The following MATR3 variants were observed in gnomAD, a reference collection of about 807,000 sequenced individuals.
MATR3 encodes the protein matrin 3.
A neutral mutation model predicts 85.5 loss-of-function variants in MATR3; 4 were observed. The ratio of observed to expected loss-of-function variants is 0.05; its 90% CI spans 0.02 to 0.11. The LOEUF (loss-of-function observed/expected upper bound fraction) is 0.11. MATR3 is among the 10% of genes least tolerant of loss of function. MATR3 has a pLI of 1.00. For missense variants in MATR3, 685 were observed against 1,016.1 expected (o/e 0.67, Z 4.43); for synonymous variants, 336 against 343.1 (o/e 0.98, Z 0.23).
chr5:139,295,874 G>GGTAT (rs1416544748), intron 1 of MATR3, among the ~76,000 whole-genome samples: 1 of 152,046 alleles, frequency 6.6e-6, no homozygotes, highest in African/African-American at 2.4e-5. Flanking sequence ...GGAGTGCAGT[G>GGTAT]GTATGATCAG....
chr5:139,294,014 T>A, intron 1 of MATR3: 1 of 1,287,612 alleles, frequency 7.8e-7, no homozygotes, highest in Non-Finnish European at 9.9e-7. Context: ...CAACCAGCCT[T>A]CTAGGGCGGC....
At chr5:139,296,302 G>A (rs1754147031) in intron 1 of MATR3, among the ~76,000 whole-genome samples, 1 of 152,128 alleles carries the variant, frequency 6.6e-6, no homozygotes, top group South Asian at 2.1e-4. Context: ...ATGGGAAAAT[G>A]GTAACGGTAT....
At chr5:139,320,979 A>G (rs1326893971) in intron 9 of MATR3, among the ~76,000 whole-genome samples, 1 of 146,588 alleles carries the variant, frequency 6.8e-6, no homozygotes, top group Non-Finnish European at 1.5e-5. Flanking sequence ...GATGGTCTCG[A>G]TCCCCTGACC....
rs1755650650 is a variant in MATR3 at position 139,322,910 on chromosome 5, T to C, written c.2091T>C (p.Asp697=). ...VASDGKKEPS[D]KAVKKDGSAS... is the part of the protein sequence containing the mutation. ...CTGATGGGAAAAAGGAACCATCAGATAAAGCTGTGAAAAAAGATGGAAGTG... is the reference window on the plus strand; with the variant it reads ...CTGATGGGAAAAAGGAACCATCAGACAAAGCTGTGAAAAAAGATGGAAGTG... The change falls in exon 12 of 15, where the codon GAT becomes GAC. Residue 697 remains aspartate, a synonymous_variant. Coordinates refer to ENST00000394805, the MANE Select transcript of MATR3 (RefSeq NM_018834.6). The C allele has an allele frequency of 6.2e-7, 1 of 1,613,834 alleles. No individual in the cohort carries two copies. Among genetic ancestry groups the C allele is most frequent in the East Asian group, 2.2e-5 (1 of 44,890 alleles).
intron 1 of MATR3, among the ~76,000 whole-genome samples, chr5:139,274,727 GAGA>G (rs947820484): frequency 9.2e-5 from 14 of 152,000 alleles, no homozygotes; most frequent in African/African-American, 2.2e-4. Flanking sequence ...ACGAGGTCAA[GAGA>G]AGAAGACCAT....
intron 3 of MATR3, among the ~76,000 whole-genome samples, chr5:139,281,388 G>C (rs58675832): frequency 0.017 from 2,524 of 144,782 alleles, 85 homozygotes; most frequent in African/African-American, 0.062. Flanking sequence ...TGTTGCCCAG[G>C]CTGGAGTGCA....
In MATR3 at chr5:139,329,496, T is replaced by C. The variant is rs762103685; in HGVS notation, c.*101T>C. 2 of 974,804 alleles carry C rather than the reference T, an allele frequency of 2.1e-6. No homozygotes were observed. Among genetic ancestry groups the C allele is most frequent in the Non-Finnish European group, 1.6e-6 (1 of 621,874 alleles). 60.4% of individuals were successfully genotyped at this position (974,804 alleles called of 1,614,324 possible). ...ATACTGATAGTTAGAAGAAAACTATTGTACTCTTTTGTTTTAGTGGAGAAA... is the reference window on the plus strand; with the variant it reads ...ATACTGATAGTTAGAAGAAAACTATCGTACTCTTTTGTTTTAGTGGAGAAA... On this transcript the variant is annotated 3_prime_UTR_variant, in exon 15 of 15. Coordinates refer to ENST00000394805, the MANE Select transcript of MATR3 (RefSeq NM_018834.6).
chr5:139,323,797 A>G (rs1469939145), intron 12 of MATR3, among the ~76,000 whole-genome samples: 1 of 152,188 alleles, frequency 6.6e-6, no homozygotes, highest in African/African-American at 2.4e-5. Context: ...AGGCTGAGAC[A>G]GGAGAATTGC....
intron 2 of MATR3, chr5:139,312,147 GT>G (rs1191481852): frequency 6.6e-6 from 1 of 151,762 alleles, no homozygotes; most frequent in African/African-American, 2.4e-5. Flanking sequence ...TTTGTTTTAT[GT>G]TTTTGAGAAA....
intron 1 of MATR3, among the ~76,000 whole-genome samples, chr5:139,275,789 G>A (rs572920903): frequency 6.6e-6 from 1 of 152,308 alleles, no homozygotes; most frequent in East Asian, 1.9e-4. Context: ...CTGGGTGGCA[G>A]AGAAAGACCC....
At chr5:139,322,573 T>A in intron 11 of MATR3, 25 bp from the exon 12 acceptor site, 1 of 1,558,766 alleles carries the variant, frequency 6.4e-7, no homozygotes, top group Non-Finnish European at 8.8e-7. Context: ...AACAAATTAA[T>A]TGTGGTGTGT....
chr5:139,329,279 G>T, intron 14 of MATR3, 66 bp from the exon 15 acceptor site: 1 of 1,114,296 alleles, frequency 9.0e-7, no homozygotes, highest in South Asian at 1.3e-5. Context: ...ATTTGATTTT[G>T]GAATTAATCC....
At chr5:139,306,636 A>G (rs1754720292) in intron 1 of MATR3, among the ~76,000 whole-genome samples, 1 of 152,242 alleles carries the variant, frequency 6.6e-6, no homozygotes, top group South Asian at 2.1e-4. Flanking sequence ...CCTTAAAACT[A>G]TAGGAAATGA....
chr5:139,310,803 CT>C lies in MATR3; in HGVS notation c.912+2487del, dbSNP rs1273664455. Reference sequence around the variant, plus strand: ...TGCTTTTCTTTTCTTTTCTTTTTTTCTTTTTTTTTTTGAGACGGAGTTTCAC... The same window carrying C: ...TGCTTTTCTTTTCTTTTCTTTTTTTCTTTTTTTTTTGAGACGGAGTTTCAC... On this transcript the variant is annotated intron_variant, in intron 2 of 14. Transcript: ENST00000394805. The C allele has an allele frequency of 7.7e-3, 1,109 of 143,804 alleles. 3 individuals are homozygous for C. Among genetic ancestry groups the C allele is most frequent in the Non-Finnish European group, 0.011 (737 of 65,242 alleles). 8.9% of individuals were successfully genotyped at this position (143,804 alleles called of 1,614,324 possible).
Position 139,329,473 on chromosome 5 carries a change from A to G in MATR3, c.*78A>G. 1 of 1,149,396 alleles carries G rather than the reference A, an allele frequency of 8.7e-7. No individual in the cohort carries two copies. Among genetic ancestry groups the G allele is most frequent in the Non-Finnish European group, 1.3e-6 (1 of 766,976 alleles). The allele number at this position is 1,149,396 out of a possible 1,614,324, so 71.2% of individuals were successfully genotyped here. ...AATGTTAACCTTTTTTAAATACAAT[A>G]CTGATAGTTAGAAGAAAACTATTGT... On this transcript the variant is annotated 3_prime_UTR_variant, in exon 15 of 15. Transcript: ENST00000394805.
chr5:139,293,871 G>T (rs1051122655), intron 1 of MATR3, 66 bp downstream of exon 1: 7 of 722,704 alleles, frequency 9.7e-6, no homozygotes, highest in Non-Finnish European at 1.3e-5. Flanking sequence ...GCCGGGAGGG[G>T]ACAACGACGG....
At position 139,308,255 on chromosome 5, in the gene MATR3, C is replaced by T; in HGVS notation, c.840C>T (p.Asp280=). ...CTCCTCCAAGTAGCAATATTGAAGACTTCCATGGACTCTTACCGAAGGGTT... is the reference window on the plus strand; with the variant it reads ...CTCCTCCAAGTAGCAATATTGAAGATTTCCATGGACTCTTACCGAAGGGTT... The part of the protein sequence containing the change: ...RGAPPSSNIE[D]FHGLLPKGYP... Residue 280 remains aspartate, a synonymous_variant, in exon 2 of 15, where the codon GAC becomes GAT. Coordinates refer to ENST00000394805, the MANE Select transcript of MATR3 (RefSeq NM_018834.6). 6.2e-7 allele frequency: 1 copy of T among 1,614,086 alleles called. No individual in the cohort carries two copies. Among genetic ancestry groups the T allele is most frequent in the Non-Finnish European group, 8.5e-7 (1 of 1,179,982 alleles).
At chr5:139,281,300 GAGTAGCT>G (rs1753509700) in intron 3 of MATR3, among the ~76,000 whole-genome samples, 1 of 151,022 alleles carries the variant, frequency 6.6e-6, no homozygotes, top group South Asian at 2.1e-4. Context: ...TCAGCCTCCT[GAGTAGCT>G]AGGATTACAG....
chr5:139,311,842 A>G (rs2151971838), intron 2 of MATR3: 1 of 126,646 alleles, frequency 7.9e-6, no homozygotes, highest in Admixed American at 1.1e-4. Flanking sequence ...ATCTTGGCTC[A>G]CTGCATCCTC....
Sources: allele counts gnomAD v4.1 joint callset (sites outside exome capture counted in the v4.1 genomes callset), GRCh38; gene constraint gnomAD v4.1.1; transcripts MANE v1.5; gene names NCBI Gene and HGNC (gene_info 2026-07-23, HGNC 2026-07-21).